The following KANSL1L variants were observed in gnomAD, a reference collection of about 807,000 sequenced individuals.
The protein encoded by KANSL1L is KAT8 regulatory NSL complex subunit 1 like.
Under a neutral mutation model 108.6 loss-of-function variants are expected in KANSL1L, and 25 were observed. The observed-to-expected ratio is 0.23, with a 90% CI of 0.17 to 0.32. The LOEUF (loss-of-function observed/expected upper bound fraction) is 0.32, where lower values mean the gene tolerates loss of function less well. Ranked by LOEUF, KANSL1L falls within the 10% of genes least tolerant of loss-of-function variation. The probability of loss-of-function intolerance (pLI) is 1.00; values close to 1 mark genes in which losing one functional copy is unlikely to be tolerated. For synonymous variants in KANSL1L, 405 were observed against 395.1 expected, an observed-to-expected ratio of 1.03 and a Z score of -0.30; for missense variants, 1,137 against 1,125.7, an observed-to-expected ratio of 1.01 and a Z score of -0.14.
At position 210,029,822 on chromosome 2, in the gene KANSL1L, C is replaced by T. The variant is rs1376527887; in HGVS notation, c.2252G>A (p.Arg751Lys). ...TAVSNVNVLS[R>K]IQNSSRNTAR... ...ACCTACTCGTGATGAATTCTGGATT[C>T]TTGATAAAACGTTGACATTGGAAAC... Residue 751 changes from arginine to lysine, a missense_variant, in exon 10 of 15, where the codon AGA (arginine) becomes AAA (lysine). Physicochemically the swap from Arg to Lys is conservative, Grantham distance 26. Around this residue, in one of 3 missense-constraint regions of KANSL1L, gnomAD observed 575 missense variants for 567.1 expected, o/e 1.01. Transcript: ENST00000281772. 1.3e-6 allele frequency: 2 copies of T among 1,588,528 alleles called. No individual in the cohort carries two copies. Among genetic ancestry groups the T allele is most frequent in the Non-Finnish European group, 1.7e-6 (2 of 1,159,120 alleles).
At chr2:210,129,611 C>T (rs951699533) in intron 2 of KANSL1L, among the ~76,000 whole-genome samples, 5 of 151,990 alleles carry the variant, frequency 3.3e-5, no homozygotes, top group Admixed American at 1.3e-4. Flanking sequence ...GTAGCATATT[C>T]GATTTTACTA....
chr2:210,025,924 C>T (rs992889248), intron 12 of KANSL1L, among the ~76,000 whole-genome samples: 1 of 152,160 alleles, frequency 6.6e-6, no homozygotes, highest in African/African-American at 2.4e-5. Context: ...TTTGCCATAG[C>T]TTAGTACCAG....
rs573725958 is a variant in KANSL1L, at chr2:210,095,211, T to C, written c.1550+2875A>G. Among the ~76,000 whole-genome samples, 5 of 152,238 alleles carry C rather than the reference T, an allele frequency of 3.3e-5. No individual in the cohort carries two copies. The South Asian group carries it at 1.0e-3, about 32-fold the overall frequency. On this transcript the variant is annotated intron_variant, in intron 5 of 14. Transcript: ENST00000281772. ...GCTCCTTCCTTTCCCTTTATTTTAATAAAGATGCTTAAATTTCCTCCATCT... is the reference window on the plus strand; with the variant it reads ...GCTCCTTCCTTTCCCTTTATTTTAACAAAGATGCTTAAATTTCCTCCATCT...
intron 3 of KANSL1L, among the ~76,000 whole-genome samples, chr2:210,104,923 A>G (rs1365665982): frequency 6.6e-6 from 1 of 152,096 alleles, no homozygotes; most frequent in African/African-American, 2.4e-5. Flanking sequence ...ATAAAGACAC[A>G]AGCTTTCAAC....
intron 8 of KANSL1L, among the ~76,000 whole-genome samples, chr2:210,031,897 G>C (rs2094022240): frequency 6.6e-6 from 1 of 152,192 alleles, no homozygotes; most frequent in Non-Finnish European, 1.5e-5. Flanking sequence ...TTGGGACCAA[G>C]TAAGATTCAA....
At chr2:210,038,356 A>C (rs571237012) in intron 8 of KANSL1L, among the ~76,000 whole-genome samples, 1 of 152,176 alleles carries the variant, frequency 6.6e-6, no homozygotes, top group African/African-American at 2.4e-5. Context: ...ACGTAGTTTA[A>C]ACGCCTTGTA....
At chr2:210,096,527 T>C in intron 5 of KANSL1L, 1 of 984,598 alleles carries the variant, frequency 1.0e-6, no homozygotes, top group Non-Finnish European at 1.2e-6. Flanking sequence ...AACACACACA[T>C]GTAACTATGT....
intron 6 of KANSL1L, among the ~76,000 whole-genome samples, chr2:210,055,741 A>G (rs539635291): frequency 2.9e-4 from 44 of 152,198 alleles, no homozygotes; most frequent in Non-Finnish European, 5.4e-4. Flanking sequence ...GGAACTTTGA[A>G]CTTGAGAAAG....
intron 6 of KANSL1L, among the ~76,000 whole-genome samples, chr2:210,073,423 C>G (rs981218489): frequency 6.6e-6 from 1 of 151,730 alleles, no homozygotes; most frequent in Non-Finnish European, 1.5e-5. Flanking sequence ...AGGATGGGCA[C>G]AGTAGCTCAC....
chr2:210,118,270 A>G (rs1321296618), intron 3 of KANSL1L, among the ~76,000 whole-genome samples: 1 of 151,326 alleles, frequency 6.6e-6, no homozygotes, highest in East Asian at 2.0e-4. Flanking sequence ...GGAGTTCAAG[A>G]CCAGCCTGAC....
chr2:210,166,096 A>G (rs1486363579), intron 1 of KANSL1L, among the ~76,000 whole-genome samples: 1 of 152,174 alleles, frequency 6.6e-6, no homozygotes, highest in Non-Finnish European at 1.5e-5. Context: ...CATATACCCC[A>G]AAAATAAAGA....
chr2:210,108,769 A>G (rs1387603230), intron 3 of KANSL1L, among the ~76,000 whole-genome samples: 1 of 152,224 alleles, frequency 6.6e-6, no homozygotes, highest in Non-Finnish European at 1.5e-5. Context: ...AACTTTCATC[A>G]GGAAACACTT....
Position 210,023,078 on chromosome 2 carries a change from T to A in KANSL1L, c.2835A>T (p.Thr945=). 6.2e-7 allele frequency: 1 copy of A among 1,614,100 alleles called. No individual in the cohort carries two copies. Among genetic ancestry groups the A allele is most frequent in the Non-Finnish European group, 8.5e-7 (1 of 1,179,962 alleles). The stretch of plus-strand genomic sequence containing the variant: ...TACCGAAGATTTCACCATGGAAAGC[T>A]GTGCTTGACCTTTCAACCTGATCCT... ...EKKDQVERSS[T]AFHGEIFGTS... The change falls in exon 15 of 15, where the codon ACA becomes ACT. Residue 945 remains threonine, a synonymous_variant. Transcript: ENST00000281772.
intron 5 of KANSL1L, among the ~76,000 whole-genome samples, chr2:210,083,610 C>T (rs2094608950): frequency 6.6e-6 from 1 of 151,830 alleles, no homozygotes. Context: ...GGGTGGATCA[C>T]GAGGTTAGGA....
intron 3 of KANSL1L, among the ~76,000 whole-genome samples, chr2:210,118,869 C>A (rs1327162211): frequency 6.6e-6 from 1 of 151,200 alleles, no homozygotes; most frequent in Non-Finnish European, 1.5e-5. Context: ...AAAAAGTCCT[C>A]TATTAAAGAA....
intron 5 of KANSL1L, 122 bp downstream of exon 5, chr2:210,097,964 C>A (rs966842077): frequency 1.6e-6 from 1 of 612,830 alleles, no homozygotes; most frequent in Non-Finnish European, 2.7e-6. Context: ...ATTGATTGTA[C>A]TCTAGTAGCC....
chr2:210,087,496 A>T (rs552995715), intron 5 of KANSL1L, among the ~76,000 whole-genome samples: 38 of 152,346 alleles, frequency 2.5e-4, no homozygotes, highest in African/African-American at 8.9e-4. Flanking sequence ...ATAGAATATC[A>T]ATCTGACTAT....
At chr2:210,171,474 G>A (rs1688336165), upstream of KANSL1L, 1 of 154,524 alleles carries the variant, frequency 6.5e-6, no homozygotes, top group Non-Finnish European at 1.4e-5. Context: ...CCATGCAAAT[G>A]AAGCGGGTGG....
intron 2 of KANSL1L, chr2:210,151,493 CT>C (rs2125633326): frequency 6.6e-6 from 1 of 152,202 alleles, no homozygotes; most frequent in South Asian, 2.1e-4. Context: ...ACACATGTAC[CT>C]AATAATTCTT....
Sources: gnomAD v4.1 joint callset for allele counts (sites outside exome capture counted in the v4.1 genomes callset) on GRCh38, gnomAD v4.1.1 for gene constraint, gnomAD v4.1.1 regional missense constraint, MANE v1.5 for transcripts, NCBI Gene and HGNC (gene_info 2026-07-23, HGNC 2026-07-21) for gene names.